PSKH1: variants seen among roughly 807,000 people sequenced by gnomAD.
The protein encoded by PSKH1 is serine/threonine-protein kinase H1.
In PSKH1, 12 loss-of-function variants were observed where a neutral mutation model predicts 26.7. The ratio of observed to expected loss-of-function variants is 0.45; its 90% CI spans 0.29 to 0.73. The LOEUF (loss-of-function observed/expected upper bound fraction) is 0.73. PSKH1 is among the 30% of genes least tolerant of loss of function. The pLI, the probability that PSKH1 is intolerant of heterozygous loss-of-function variation, is 0.11. For missense variants in PSKH1, 431 were observed against 595.2 expected, an observed-to-expected ratio of 0.72 and a Z score of 2.87; for synonymous variants, 213 against 234.3, an observed-to-expected ratio of 0.91 and a Z score of 0.83.
intron 1 of PSKH1, among the ~76,000 whole-genome samples, chr16:67,901,301 G>A (rs1298193525): frequency 6.6e-6 from 1 of 152,108 alleles, no homozygotes; most frequent in East Asian, 1.9e-4. Flanking sequence ...GAAAATCATT[G>A]ACTCTCTTAT....
intron 2 of PSKH1, among the ~76,000 whole-genome samples, chr16:67,922,153 G>C (rs965750313): frequency 1.1e-4 from 16 of 151,988 alleles, no homozygotes; most frequent in African/African-American, 3.6e-4. Context: ...CAGGATGATG[G>C]GTTTTTGACC....
chr16:67,909,587 A>T lies in PSKH1; in HGVS notation c.838A>T (p.Met280Leu), dbSNP rs759710609. The T allele has an allele frequency of 1.9e-6, 3 of 1,614,102 alleles. No homozygotes were observed. Among genetic ancestry groups the T allele is most frequent in the Non-Finnish European group, 1.7e-6 (2 of 1,180,044 alleles). Residue 280 changes from methionine (M) to leucine (L), a missense_variant, in exon 2 of 3, where the codon ATG (methionine) becomes TTG (leucine). By Grantham distance (15) the Met-to-Leu change is conservative. Transcript: ENST00000291041. The surrounding 1 kb of genome is among the most constrained non-coding windows in gnomAD (Gnocchi z 7.8). ...CAAGCCATACACCAACTCAGTGGAC[A>T]TGTGGGCGCTGGGCGTCATTGCCTA... ...VRKPYTNSVD[M>L]WALGVIAYIL...
At chr16:67,919,949 C>T (rs1421704416) in intron 2 of PSKH1, among the ~76,000 whole-genome samples, 1 of 152,214 alleles carries the variant, frequency 6.6e-6, no homozygotes, top group African/African-American at 2.4e-5. Flanking sequence ...GCAGACCCAC[C>T]CGCCACGCTG....
chr16:67,900,527 C>T (rs921154498), intron 1 of PSKH1, among the ~76,000 whole-genome samples: 2 of 152,152 alleles, frequency 1.3e-5, no homozygotes, highest in African/African-American at 4.8e-5. Context: ...TGGATGAGGC[C>T]CAGCACTGCT....
rs189737427 is a variant in PSKH1 at position 67,908,355 on chromosome 16, C to T, written c.-70-325C>T. Among the ~76,000 whole-genome samples the T allele has an allele frequency of 6.0e-3, 910 of 152,288 alleles. 10 individuals are homozygous for T. The highest frequency in any genetic ancestry group is 0.021 in the African/African-American group (854 of 41,554). On this transcript the variant is annotated intron_variant, in intron 1 of 2. Coordinates refer to ENST00000291041, the MANE Select transcript of PSKH1 (RefSeq NM_006742.3). ...TGCAATCTCAGCTCACTGCAGCCTCCGCCTCCTGGGTTCAATCGATTCTTG... is the reference window on the plus strand; with the variant it reads ...TGCAATCTCAGCTCACTGCAGCCTCTGCCTCCTGGGTTCAATCGATTCTTG...
intron 2 of PSKH1, among the ~76,000 whole-genome samples, chr16:67,923,663 A>T (rs1286737944): frequency 6.6e-6 from 1 of 152,250 alleles, no homozygotes; most frequent in Non-Finnish European, 1.5e-5. Context: ...GAGACTGCCC[A>T]GGTGGGTCTT....
At chr16:67,903,935 G>T (rs1259628825) in intron 1 of PSKH1, among the ~76,000 whole-genome samples, 1 of 143,008 alleles carries the variant, frequency 7.0e-6, no homozygotes, top group Non-Finnish European at 1.5e-5. Flanking sequence ...CTGCAGCCTT[G>T]ATCTCTTGGG....
chr16:67,926,401 A>G (rs2058216486), intron 2 of PSKH1, among the ~76,000 whole-genome samples: 1 of 152,236 alleles, frequency 6.6e-6, no homozygotes, highest in African/African-American at 2.4e-5. Context: ...GGGAATACTA[A>G]ACGAACATGA....
At chr16:67,914,601 T>C (rs2058181880) in intron 2 of PSKH1, among the ~76,000 whole-genome samples, 1 of 151,754 alleles carries the variant, frequency 6.6e-6, no homozygotes, top group East Asian at 1.9e-4. Context: ...ATTACAGGAG[T>C]GTGCCACCAT....
chr16:67,911,664 A>G (rs1567399916), intron 2 of PSKH1, among the ~76,000 whole-genome samples: 1 of 152,052 alleles, frequency 6.6e-6, no homozygotes, highest in Non-Finnish European at 1.5e-5. Flanking sequence ...CCTGGGCAAA[A>G]AGAGTGAAAC....
chr16:67,905,273 C>T (rs188369394), intron 1 of PSKH1, among the ~76,000 whole-genome samples: 98 of 152,276 alleles, frequency 6.4e-4, no homozygotes, highest in African/African-American at 2.2e-3. Flanking sequence ...ACTTGTGTTG[C>T]TCTCCATAAC....
intron 1 of PSKH1, among the ~76,000 whole-genome samples, chr16:67,906,780 A>G (rs1451736045): frequency 1.3e-5 from 2 of 152,116 alleles, no homozygotes; most frequent in African/African-American, 4.8e-5. Context: ...TAACTTCAGC[A>G]CTGCACCTTG....
In PSKH1 at chr16:67,927,542, C is replaced by T. The variant is rs745836876; in HGVS notation, c.1175C>T (p.Thr392Met). The change falls in exon 3 of 3, where the codon ACG (threonine) becomes ATG (methionine). Residue 392 changes from threonine (T) to methionine (M), a missense_variant. By Grantham distance (81) the Thr-to-Met change is moderately conservative. Coordinates refer to ENST00000291041, the MANE Select transcript of PSKH1 (RefSeq NM_006742.3). The surrounding 1 kb of genome is among the most constrained non-coding windows in gnomAD (Gnocchi z 5.5). The stretch of plus-strand genomic sequence containing the variant: ...CAGAGCACCAAATCTGCCCAGTCCA[C>T]GCGTTCCAGCCGCTCCACACGCTCC... ...RCQSTKSAQS[T>M]RSSRSTRSNK... 8.1e-6 allele frequency: 13 copies of T among 1,613,806 alleles called. No homozygotes were observed. Among genetic ancestry groups the T allele is most frequent in the South Asian group, 2.2e-5 (2 of 91,092 alleles).
At chr16:67,896,878 C>T (rs2058128064) in intron 1 of PSKH1, among the ~76,000 whole-genome samples, 1 of 152,172 alleles carries the variant, frequency 6.6e-6, no homozygotes, top group African/African-American at 2.4e-5. Context: ...TCCAGTTGCA[C>T]TTCACCTCAG....
At chr16:67,911,686 CAA>C (rs1217087238) in intron 2 of PSKH1, among the ~76,000 whole-genome samples, 3 of 150,994 alleles carry the variant, frequency 2.0e-5, no homozygotes, top group African/African-American at 4.9e-5. Context: ...CTGTCCCCCC[CAA>C]AAAAAAAGAG....
chr16:67,902,331 C>A (rs1316721989), intron 1 of PSKH1, among the ~76,000 whole-genome samples: 1 of 151,806 alleles, frequency 6.6e-6, no homozygotes, highest in Non-Finnish European at 1.5e-5. Context: ...GAGACAGTCT[C>A]GATCTCTCAC....
chr16:67,897,406 C>T (rs950670867), intron 1 of PSKH1, among the ~76,000 whole-genome samples: 2 of 152,130 alleles, frequency 1.3e-5, no homozygotes, highest in African/African-American at 4.8e-5. Context: ...TGATGTGATG[C>T]TAAGGTGGAA....
At position 67,908,967 on chromosome 16, in the gene PSKH1, C is replaced by G. The variant is rs1567399224; in HGVS notation, c.218C>G (p.Pro73Arg). The G allele has an allele frequency of 6.2e-7, 1 of 1,613,992 alleles. No homozygotes were observed. ...PGPPTAGHTE[P>R]PSEPPRRARV... ...CCCCCGACTGCTGGCCACACGGAGCCTCCCTCAGAACCACCACGCAGGGCC... is the reference window on the plus strand; with the variant it reads ...CCCCCGACTGCTGGCCACACGGAGCGTCCCTCAGAACCACCACGCAGGGCC... The change falls in exon 2 of 3, where the codon CCT (proline) becomes CGT (arginine). Residue 73 changes from proline to arginine, a missense_variant. Physicochemically the swap from Pro to Arg is moderately radical, Grantham distance 103 (BLOSUM62 -2). Transcript: ENST00000291041.
In PSKH1 at chr16:67,927,505, T is replaced by C. The variant is rs756503993; in HGVS notation, c.1138T>C (p.Ser380Pro). 71 of 1,614,038 alleles carry C rather than the reference T, an allele frequency of 4.4e-5. 1 individual carries two copies. The part of the protein sequence containing the change: ...SISQNLLKRA[S>P]SRCQSTKSAQ... ...ATCCCAGAACCTCCTTAAACGTGCC[T>C]CCTCGCGCTGCCAGAGCACCAAATC... Residue 380 changes from serine to proline, a missense_variant, in exon 3 of 3, where the codon TCC (serine) becomes CCC (proline). Physicochemically the swap from Ser to Pro is moderately conservative, Grantham distance 74. Coordinates refer to ENST00000291041, the MANE Select transcript of PSKH1 (RefSeq NM_006742.3). The surrounding 1 kb of genome is among the most constrained non-coding windows in gnomAD (Gnocchi z 5.5).
Sources: allele counts gnomAD v4.1 joint callset (sites outside exome capture counted in the v4.1 genomes callset), GRCh38; gene constraint gnomAD v4.1.1; non-coding constraint Gnocchi (gnomAD v3.1); transcripts MANE v1.5; gene names NCBI Gene and HGNC (gene_info 2026-07-23, HGNC 2026-07-21).